DNER: variants seen among roughly 807,000 people sequenced by gnomAD.
The protein encoded by DNER is delta and Notch-like epidermal growth factor-related receptor.
A neutral mutation model predicts 78.2 loss-of-function variants in DNER; 33 were observed. The ratio of observed to expected loss-of-function variants is 0.42; its 90% CI spans 0.32 to 0.56. DNER has a LOEUF of 0.56. Among genes scored for constraint, DNER ranks in the 20% least tolerant of loss-of-function variants. DNER has a pLI of 0.11. For synonymous variants in DNER, 417 were observed against 384.8 expected, an observed-to-expected ratio of 1.08 and a Z score of -0.98; for missense variants, 918 against 975.3, an observed-to-expected ratio of 0.94 and a Z score of 0.78.
intron 1 of DNER, among the ~76,000 whole-genome samples, chr2:229,706,871 C>T (rs989655852): frequency 3.3e-5 from 5 of 152,146 alleles, no homozygotes; most frequent in Admixed American, 1.3e-4. Flanking sequence ...CCGCCACACC[C>T]GGCCCAGATA....
At chr2:229,458,731 C>T (rs769928155) in intron 7 of DNER, among the ~76,000 whole-genome samples, 5 of 151,068 alleles carry the variant, frequency 3.3e-5, no homozygotes, top group Non-Finnish European at 5.9e-5. Flanking sequence ...GGATGTCTAC[C>T]CTCAGCATTT....
intron 7 of DNER, among the ~76,000 whole-genome samples, chr2:229,453,969 G>T (rs924653746): frequency 3.3e-5 from 5 of 149,320 alleles, no homozygotes; most frequent in African/African-American, 7.4e-5. Context: ...GGAGAGAAAG[G>T]TGTCACTGAA....
chr2:229,502,196 G>A (rs2154211986), intron 6 of DNER, among the ~76,000 whole-genome samples: 1 of 152,252 alleles, frequency 6.6e-6, no homozygotes, highest in East Asian at 1.9e-4. Context: ...GAAGATTTGA[G>A]GGGTGCATTA....
intron 10 of DNER, 135 bp from the exon 11 acceptor site, chr2:229,388,531 G>A: frequency 9.7e-7 from 1 of 1,028,170 alleles, no homozygotes; most frequent in Non-Finnish European, 1.2e-6. Context: ...TTTGTATAAA[G>A]TGCAGAACTC....
chr2:229,699,692 A>G (rs1277394997), intron 1 of DNER, among the ~76,000 whole-genome samples: 1 of 152,214 alleles, frequency 6.6e-6, no homozygotes, highest in Non-Finnish European at 1.5e-5. Context: ...AAGAAATAAT[A>G]GAATCAACCT....
intron 7 of DNER, among the ~76,000 whole-genome samples, chr2:229,455,209 G>A (rs1160651731): frequency 6.6e-6 from 1 of 152,010 alleles, no homozygotes; most frequent in Non-Finnish European, 1.5e-5. Flanking sequence ...CTTCCTAAGA[G>A]AAGCAAGAAC....
Position 229,490,159 on chromosome 2 carries a change from T to C in DNER, c.1148-12906A>G, listed in dbSNP as rs551167136. ...AAGATAGAGAAGGCCAGAGAATCCT[T>C]GTGAACAAGAAGCCAGGAAAGAAGC... On this transcript the variant is annotated intron_variant, in intron 6 of 12. Coordinates refer to ENST00000341772, the MANE Select transcript of DNER (RefSeq NM_139072.4). Among the ~76,000 whole-genome samples the C allele has an allele frequency of 1.7e-4, 26 of 152,200 alleles. No homozygotes were observed. In the East Asian group the frequency reaches 3.1e-3, roughly 18 times the overall value.
In DNER at chr2:229,621,219, G is replaced by T. The variant is rs79021079; in HGVS notation, c.277-29331C>A. 4.1e-3 allele frequency among the ~76,000 whole-genome samples: 620 copies of T among 152,296 alleles called. 3 individuals are homozygous for T. Among genetic ancestry groups the T allele is most frequent in the Non-Finnish European group, 5.5e-3 (374 of 68,026 alleles). ...AGTACGCCTACCATCAGAAATTACTGCAATGACTTCCTGTTTCCCCACAGT... is the reference window on the plus strand; with the variant it reads ...AGTACGCCTACCATCAGAAATTACTTCAATGACTTCCTGTTTCCCCACAGT... On this transcript the variant is annotated intron_variant, in intron 1 of 12. Transcript: ENST00000341772.
At chr2:229,459,441 A>AT (rs1694644433) in intron 7 of DNER, among the ~76,000 whole-genome samples, 3 of 152,054 alleles carry the variant, frequency 2.0e-5, no homozygotes, top group Admixed American at 2.0e-4. Context: ...GTAATAGAAA[A>AT]ATTTTATTGA....
At chr2:229,709,737 T>A (rs1036941778) in intron 1 of DNER, among the ~76,000 whole-genome samples, 1 of 152,212 alleles carries the variant, frequency 6.6e-6, no homozygotes, top group African/African-American at 2.4e-5. Context: ...ATTATAATCC[T>A]GAAGGATAGG....
intron 8 of DNER, among the ~76,000 whole-genome samples, chr2:229,435,492 G>A (rs939341980): frequency 5.9e-5 from 9 of 152,190 alleles, no homozygotes; most frequent in Non-Finnish European, 2.9e-5. Context: ...TAATACAAAG[G>A]TTGATTGCCA....
intron 5 of DNER, among the ~76,000 whole-genome samples, chr2:229,514,738 A>G (rs960404163): frequency 1.3e-5 from 2 of 152,202 alleles, no homozygotes; most frequent in African/African-American, 4.8e-5. Context: ...TCCCTTGCAC[A>G]TGAGATCATG....
At chr2:229,364,459 C>T (rs1475774490) in intron 12 of DNER, among the ~76,000 whole-genome samples, 1 of 152,082 alleles carries the variant, frequency 6.6e-6, no homozygotes, top group East Asian at 1.9e-4. Flanking sequence ...GTGGGGCTTG[C>T]AAGGGTTGGT....
At chr2:229,701,633 T>G (rs889886524) in intron 1 of DNER, among the ~76,000 whole-genome samples, 1 of 152,216 alleles carries the variant, frequency 6.6e-6, no homozygotes, top group Non-Finnish European at 1.5e-5. Flanking sequence ...CTTTTACAGG[T>G]AGGTGAGGTC....
At chr2:229,388,114 T>C in intron 11 of DNER, 151 bp downstream of exon 11, 1 of 1,175,808 alleles carries the variant, frequency 8.5e-7, no homozygotes, top group Admixed American at 2.7e-5. Context: ...GGGGCAAGTG[T>C]AGCTCCGGTT....
At chr2:229,572,523 A>G (rs917957023) in intron 4 of DNER, among the ~76,000 whole-genome samples, 2 of 151,942 alleles carry the variant, frequency 1.3e-5, no homozygotes, top group African/African-American at 4.9e-5. Flanking sequence ...GAATCCAAGT[A>G]AGGAAGGAAA....
intron 1 of DNER, among the ~76,000 whole-genome samples, chr2:229,677,047 G>A (rs78796288): frequency 0.014 from 2,063 of 152,166 alleles, 56 homozygotes; most frequent in African/African-American, 0.045. Flanking sequence ...TCCATGCCTC[G>A]TGACACTGGG....
chr2:229,487,223 C>T (rs1292071983), intron 6 of DNER, among the ~76,000 whole-genome samples: 1 of 152,164 alleles, frequency 6.6e-6, no homozygotes, highest in Non-Finnish European at 1.5e-5. Flanking sequence ...ACATCTACTT[C>T]CCTATTCTTT....
At chr2:229,680,038 T>C (rs1328833954) in intron 1 of DNER, among the ~76,000 whole-genome samples, 1 of 152,166 alleles carries the variant, frequency 6.6e-6, no homozygotes, top group African/African-American at 2.4e-5. Flanking sequence ...TACCAGAAGG[T>C]ATCTAATTCA....
Sources: gnomAD v4.1 joint callset for allele counts (sites outside exome capture counted in the v4.1 genomes callset) on GRCh38, gnomAD v4.1.1 for gene constraint, MANE v1.5 for transcripts, NCBI Gene and HGNC (gene_info 2026-07-23, HGNC 2026-07-21) for gene names.